CTNNA2: variants seen among roughly 807,000 people sequenced by gnomAD.
CTNNA2 encodes catenin alpha-2.
CTNNA2 carries 42 observed loss-of-function variants against 101.0 expected under a neutral mutation model. The ratio of observed to expected loss-of-function variants is 0.42; its 90% CI spans 0.32 to 0.54. The LOEUF (loss-of-function observed/expected upper bound fraction) is 0.54, where lower values mean the gene tolerates loss of function less well. Ranked by LOEUF, CTNNA2 falls within the 20% of genes least tolerant of loss-of-function variation. The pLI is 0.14. For synonymous variants in CTNNA2, 450 were observed against 456.4 expected, an observed-to-expected ratio of 0.99 and a Z score of 0.18; for missense variants, 871 against 1,223.1, an observed-to-expected ratio of 0.71 and a Z score of 4.29.
chr2:80,280,271 G>T (rs539619740), intron 7 of CTNNA2, among the ~76,000 whole-genome samples: 13 of 148,640 alleles, frequency 8.7e-5, no homozygotes, highest in Non-Finnish European at 1.2e-4. Flanking sequence ...GTATGTGCTG[G>T]TGCTGATAGT....
At chr2:79,913,975 G>A (rs1362710122) in intron 7 of CTNNA2, among the ~76,000 whole-genome samples, 2 of 151,774 alleles carry the variant, frequency 1.3e-5, no homozygotes, top group Non-Finnish European at 2.9e-5. Flanking sequence ...AGACCATCCC[G>A]GCTAAAACGG....
chr2:79,412,201 G>A (rs112681565), intron 4 of CTNNA2, among the ~76,000 whole-genome samples: 44,113 of 151,858 alleles, frequency 0.29, 6,552 homozygotes, highest in South Asian at 0.43. Context: ...CTAACTATCC[G>A]AAATATATAT....
chr2:80,255,961 C>T (rs1436230111), intron 7 of CTNNA2, among the ~76,000 whole-genome samples: 2 of 152,126 alleles, frequency 1.3e-5, no homozygotes, highest in East Asian at 3.9e-4. Context: ...TAGACTACTG[C>T]TTATGCGAAC....
At chr2:80,117,387 G>C (rs534822633) in intron 7 of CTNNA2, among the ~76,000 whole-genome samples, 2 of 150,074 alleles carry the variant, frequency 1.3e-5, no homozygotes, top group Non-Finnish European at 3.0e-5. Flanking sequence ...AGTTTCCCTG[G>C]CTTTTTTTGA....
intron 1 of CTNNA2, among the ~76,000 whole-genome samples, chr2:79,611,601 T>G (rs1376306708): frequency 6.6e-6 from 1 of 152,104 alleles, no homozygotes; most frequent in Non-Finnish European, 1.5e-5. Context: ...GAAGGGCTTC[T>G]GTGCAGAGGA....
chr2:80,595,373 G>T (rs910191921), intron 15 of CTNNA2, among the ~76,000 whole-genome samples: 6 of 152,044 alleles, frequency 3.9e-5, no homozygotes, highest in African/African-American at 7.2e-5. Context: ...TTTTTTTAAA[G>T]AATCTTAAGC....
chr2:79,186,601 A>T (rs930997032), intron 1 of CTNNA2, among the ~76,000 whole-genome samples: 2 of 152,244 alleles, frequency 1.3e-5, no homozygotes, highest in Non-Finnish European at 1.5e-5. Flanking sequence ...AGGTACAATG[A>T]AAGACCTGTA....
At chr2:79,600,600 G>A (rs922374697) in intron 1 of CTNNA2, among the ~76,000 whole-genome samples, 3 of 152,096 alleles carry the variant, frequency 2.0e-5, no homozygotes, top group Non-Finnish European at 2.9e-5. Context: ...TATTGAACAC[G>A]TAGAAAATAT....
intron 7 of CTNNA2, among the ~76,000 whole-genome samples, chr2:79,981,987 G>C (rs1691307431): frequency 6.6e-6 from 1 of 151,312 alleles, no homozygotes; most frequent in African/African-American, 2.4e-5. Context: ...ATTGTTGTAA[G>C]GATTATATAT....
intron 7 of CTNNA2, among the ~76,000 whole-genome samples, chr2:79,981,539 G>C (rs77008891): frequency 0.032 from 4,896 of 152,112 alleles, 253 homozygotes; most frequent in African/African-American, 0.11. Flanking sequence ...CCTGTAACTC[G>C]CTAACAGAGT....
chr2:79,756,187 A>G (rs747855459), intron 3 of CTNNA2, among the ~76,000 whole-genome samples: 4 of 152,124 alleles, frequency 2.6e-5, no homozygotes, highest in Non-Finnish European at 4.4e-5. Context: ...TGAAAATGCT[A>G]TATTCTTTCA....
chr2:80,179,426 T>C (rs983175357), intron 7 of CTNNA2, among the ~76,000 whole-genome samples: 1 of 152,078 alleles, frequency 6.6e-6, no homozygotes, highest in Non-Finnish European at 1.5e-5. Context: ...CAGGCTGGAG[T>C]GCAGTGGCAT....
intron 7 of CTNNA2, among the ~76,000 whole-genome samples, chr2:80,007,269 C>T (rs1693439467): frequency 6.6e-6 from 1 of 151,902 alleles, no homozygotes; most frequent in South Asian, 2.1e-4. Context: ...TTTTCAAAAC[C>T]GAGAGACTGT....
At chr2:79,755,699 C>A (rs1023380935) in intron 3 of CTNNA2, among the ~76,000 whole-genome samples, 1 of 152,122 alleles carries the variant, frequency 6.6e-6, no homozygotes, top group African/African-American at 2.4e-5. Context: ...CCAAGTAAAT[C>A]TTATGCTTCT....
At chr2:80,487,836 T>C (rs1383818847) in intron 9 of CTNNA2, among the ~76,000 whole-genome samples, 2 of 152,250 alleles carry the variant, frequency 1.3e-5, no homozygotes, top group Non-Finnish European at 2.9e-5. Flanking sequence ...ACTAAGGCTC[T>C]TTCATCTACC....
intron 1 of CTNNA2, among the ~76,000 whole-genome samples, chr2:79,642,790 T>C (rs535413897): frequency 6.9e-4 from 101 of 145,924 alleles, no homozygotes; most frequent in African/African-American, 2.3e-3. Context: ...TTTTTTTTTT[T>C]CCCTCAACTT....
intron 7 of CTNNA2, among the ~76,000 whole-genome samples, chr2:80,162,007 A>C (rs1055482286): frequency 1.2e-4 from 18 of 152,306 alleles, no homozygotes; most frequent in Non-Finnish European, 2.5e-4. Flanking sequence ...CTTCTCAAAT[A>C]GAATGTTAGT....
At chr2:80,455,642 A>G (rs1296918950) in intron 9 of CTNNA2, among the ~76,000 whole-genome samples, 2 of 152,146 alleles carry the variant, frequency 1.3e-5, no homozygotes, top group Non-Finnish European at 2.9e-5. Flanking sequence ...TCTCCTCATT[A>G]AAGTGAAGAA....
Position 80,303,532 on chromosome 2 carries a change from C to T in CTNNA2, c.1057-89679C>T. 6.2e-7 allele frequency: 1 copy of T among 1,614,228 alleles called. No homozygotes were observed. Among genetic ancestry groups the T allele is most frequent in the Non-Finnish European group, 8.5e-7 (1 of 1,180,042 alleles). On this transcript the variant is annotated intron_variant, in intron 7 of 18. Transcript: ENST00000402739. The surrounding 1 kb of genome is among the most constrained non-coding windows in gnomAD (Gnocchi z 7.7). ...GCACGGAGCAGATGTGATTGTGATC[C>T]AGATAGAGCCACGTGAGCTGCATTA... is the stretch of plus-strand genomic sequence containing the variant.
Sources: allele counts gnomAD v4.1 joint callset (sites outside exome capture counted in the v4.1 genomes callset), GRCh38; gene constraint gnomAD v4.1.1; non-coding constraint Gnocchi (gnomAD v3.1); transcripts MANE v1.5; gene names NCBI Gene and HGNC (gene_info 2026-07-23, HGNC 2026-07-21).